The following PIK3C2B variants were observed in gnomAD, a reference collection of about 807,000 sequenced individuals.
The protein encoded by PIK3C2B is phosphatidylinositol 4-phosphate 3-kinase C2 domain-containing subunit beta.
In PIK3C2B, 83 loss-of-function variants were observed where a neutral mutation model predicts 184.3. The observed-to-expected ratio is 0.45, with a 90% CI of 0.38 to 0.54. The LOEUF (loss-of-function observed/expected upper bound fraction) is 0.54, where lower values mean the gene tolerates loss of function less well. PIK3C2B is among the 20% of genes least tolerant of loss of function. The pLI is 0.00. For missense variants in PIK3C2B, 1,736 were observed against 2,113.5 expected (o/e 0.82, Z 3.50); for synonymous variants, 779 against 837.6 (o/e 0.93, Z 1.21).
intron 23 of PIK3C2B, among the ~76,000 whole-genome samples, chr1:204,436,518 G>C (rs1420771358): frequency 6.6e-6 from 1 of 151,888 alleles, no homozygotes; most frequent in East Asian, 1.9e-4. Context: ...GTGAGACCCT[G>C]CCTCAAAAAA....
At chr1:204,465,357 T>C (rs1253002782) in intron 2 of PIK3C2B, 38 bp from the exon 3 acceptor site, 1 of 1,324,628 alleles carries the variant, frequency 7.5e-7, no homozygotes, top group Non-Finnish European at 1.1e-6. Flanking sequence ...GCCTTTTTCC[T>C]CGTGGTGTCC....
chr1:204,493,256 G>C (rs1415266940), intron 1 of PIK3C2B, among the ~76,000 whole-genome samples: 1 of 152,184 alleles, frequency 6.6e-6, no homozygotes, highest in African/African-American at 2.4e-5. Flanking sequence ...GTAGTTTAGA[G>C]CAAGGAGGAG....
chr1:204,451,209 T>C (rs1654321030), intron 12 of PIK3C2B, among the ~76,000 whole-genome samples: 1 of 152,232 alleles, frequency 6.6e-6, no homozygotes, highest in Non-Finnish European at 1.5e-5. Context: ...GAGAGTTAGC[T>C]GATCCCTGGA....
At position 204,449,289 on chromosome 1, in the gene PIK3C2B, T is replaced by G. The variant is rs1232875370; in HGVS notation, c.2242A>C (p.Thr748Pro). The G allele has an allele frequency of 6.2e-7, 1 of 1,609,570 alleles. No homozygotes were observed. Among genetic ancestry groups the G allele is most frequent in the Non-Finnish European group, 8.5e-7 (1 of 1,177,918 alleles). Residue 748 changes from threonine to proline, a missense_variant, in exon 14 of 33, where the codon ACC (threonine) becomes CCC (proline). Transcript: ENST00000684373. ...AAACCCAGAAGCTTCCGGCCACAGG[T>G]CAGGACCCTAAGAAGGAGGGAGAGT... ...TPLFNFRQVL[T>P]CGRKLLGLWP...
Position 204,447,694 on chromosome 1 carries a change from T to C in PIK3C2B, c.2347-116A>G, listed in dbSNP as rs758441490. On this transcript the variant is annotated intron_variant, in intron 14 of 32. Transcript: ENST00000684373. The surrounding 1 kb of genome is among the most constrained non-coding windows in gnomAD (Gnocchi z 4.1). ...GTCCCTCCCTCACTTTCCCTCAGGTTCTTTGTAAAATAGCCCTGTTAGACT... is the reference window on the plus strand; with the variant it reads ...GTCCCTCCCTCACTTTCCCTCAGGTCCTTTGTAAAATAGCCCTGTTAGACT... The C allele has an allele frequency of 3.9e-5, 28 of 711,200 alleles. No homozygotes were observed. The Admixed American group carries it at 4.9e-4, about 12-fold the overall frequency. The allele number at this position is 711,200 out of a possible 1,614,324, so 44.1% of individuals were successfully genotyped here.
chr1:204,441,198 C>A (rs1183122195), intron 21 of PIK3C2B, among the ~76,000 whole-genome samples: 2 of 152,226 alleles, frequency 1.3e-5, no homozygotes, highest in African/African-American at 4.8e-5. Flanking sequence ...GGATCACCAC[C>A]TTACCCAACC....
In PIK3C2B at chr1:204,462,851, C is replaced by T. The variant is rs151115192; in HGVS notation, c.1310+1161G>A. On this transcript the variant is annotated intron_variant, in intron 5 of 32. Transcript: ENST00000684373. ...GGCAGATCACCCGAGGTCAGGAGTT[C>T]GAGACCAGCCTGGCCAACATGGTGA... 9.4e-3 allele frequency among the ~76,000 whole-genome samples: 1,427 copies of T among 152,204 alleles called. 15 individuals carry two copies. The highest frequency in any genetic ancestry group is 0.012 in the Non-Finnish European group (836 of 68,022).
In PIK3C2B at chr1:204,469,810, A is replaced by G. The variant is rs373937620; in HGVS notation, c.-8T>C. 23 of 1,601,974 alleles carry G rather than the reference A, an allele frequency of 1.4e-5. No individual in the cohort carries two copies. Among genetic ancestry groups the G allele is most frequent in the Non-Finnish European group, 1.9e-5 (22 of 1,169,332 alleles). ...GCCCTGAGTCGAAGACATGGTGAGG[A>G]TGGGGGACACAGGCAACAAAGTCTC... On this transcript the variant is annotated 5_prime_UTR_variant, in exon 2 of 33. Coordinates refer to ENST00000684373, the MANE Select transcript of PIK3C2B (RefSeq NM_001377334.1).
At chr1:204,460,902 C>T (rs940263889) in intron 5 of PIK3C2B, among the ~76,000 whole-genome samples, 16 of 152,150 alleles carry the variant, frequency 1.1e-4, no homozygotes, top group African/African-American at 3.9e-4. Context: ...AATATTGACT[C>T]TCTTAGATAT....
At chr1:204,468,261 G>A (rs1403449861) in intron 2 of PIK3C2B, among the ~76,000 whole-genome samples, 1 of 152,230 alleles carries the variant, frequency 6.6e-6, no homozygotes, top group African/African-American at 2.4e-5. Context: ...AGCAGGGAGA[G>A]AGAGAGAGAG....
intron 1 of PIK3C2B, among the ~76,000 whole-genome samples, chr1:204,474,061 G>A (rs1400334803): frequency 1.5e-5 from 2 of 136,028 alleles, no homozygotes; most frequent in African/African-American, 2.7e-5. Context: ...GCGCGATCTC[G>A]GCTCACCGCA....
rs1655254844 is a variant in PIK3C2B, at chr1:204,460,641, T to A, written c.1331A>T (p.His444Leu). Residue 444 changes from histidine to leucine, a missense_variant, in exon 6 of 33, where the codon CAT becomes CTT. This residue lies in a region of PIK3C2B where 609 missense variants were observed against 699.2 expected (regional missense o/e 0.87). Coordinates refer to ENST00000684373, the MANE Select transcript of PIK3C2B (RefSeq NM_001377334.1). ...FLQNKHALGS[H>L]EYIQYCRKFD... ...CTTGCGGCAGTATTGGATGTACTCA[T>A]GACTGCCCAAGGCATGCTTGCTGGT... 8.1e-6 allele frequency: 13 copies of A among 1,612,444 alleles called. No homozygotes were observed. The highest frequency in any genetic ancestry group is 1.3e-5 in the African/African-American group (1 of 74,894).
Position 204,433,945 on chromosome 1 carries a change from G to A in PIK3C2B, c.3691C>T (p.Arg1231Cys), listed in dbSNP as rs1378645821. Reference protein sequence around the residue: ...AQMFGNIKRDRAPFVFTSDMA... With the variant: ...AQMFGNIKRDCAPFVFTSDMA... Reference sequence around the variant, plus strand: ...TCCGAGGTGAAGACAAAGGGGGCACGGTCCCTGAGCCAAGGGGAACATACA... The same window carrying A: ...TCCGAGGTGAAGACAAAGGGGGCACAGTCCCTGAGCCAAGGGGAACATACA... Residue 1231 changes from arginine to cysteine, a missense_variant, in exon 25 of 33, where the codon CGT (arginine) becomes TGT (cysteine). Coordinates refer to ENST00000684373, the MANE Select transcript of PIK3C2B (RefSeq NM_001377334.1). The surrounding 1 kb of genome is among the most constrained non-coding windows in gnomAD (Gnocchi z 5.0). The A allele has an allele frequency of 1.9e-6, 3 of 1,613,584 alleles. No individual in the cohort carries two copies. The highest frequency in any genetic ancestry group is 2.5e-6 in the Non-Finnish European group (3 of 1,179,818).
chr1:204,494,304 G>A (rs1272280856), intron 1 of PIK3C2B, 52 bp downstream of exon 1: 4 of 152,396 alleles, frequency 2.6e-5, no homozygotes, highest in Admixed American at 6.5e-5. Context: ...TCCACTCTGG[G>A]GGCACTTTAC....
chr1:204,479,596 A>C (rs2103528426), intron 1 of PIK3C2B, among the ~76,000 whole-genome samples: 1 of 152,382 alleles, frequency 6.6e-6, no homozygotes, highest in East Asian at 1.9e-4. Context: ...AAGAGGACAC[A>C]GAAAATGGGT....
chr1:204,460,550 C>A lies in PIK3C2B; in HGVS notation c.1422G>T (p.Thr474=), dbSNP rs574803799. The change falls in exon 6 of 33, where the codon ACG becomes ACT. Residue 474 remains threonine, a splice_region_variant and synonymous_variant. Coordinates refer to ENST00000684373, the MANE Select transcript of PIK3C2B (RefSeq NM_001377334.1). Reference sequence around the variant, plus strand: ...AACCCTCCACCACCCTCACACGAACCGTCCGGGCCAGGTCACTGCGCACAA... The same window carrying A: ...AACCCTCCACCACCCTCACACGAACAGTCCGGGCCAGGTCACTGCGCACAA... ...QKVVRSDLAR[T]VNDDQSPSTL... 1.8e-5 allele frequency: 29 copies of A among 1,612,546 alleles called. No homozygotes were observed. Among genetic ancestry groups the A allele is most frequent in the Non-Finnish European group, 2.4e-5 (28 of 1,178,768 alleles).
intron 1 of PIK3C2B, among the ~76,000 whole-genome samples, chr1:204,491,620 C>A (rs1420210198): frequency 1.3e-5 from 2 of 152,144 alleles, no homozygotes; most frequent in Non-Finnish European, 2.9e-5. Flanking sequence ...TCACTTGAGC[C>A]CACTGCACTC....
At chr1:204,489,938 T>C (rs973604122) in intron 1 of PIK3C2B, 3 of 395,734 alleles carry the variant, frequency 7.6e-6, no homozygotes, top group Non-Finnish European at 8.9e-6. Flanking sequence ...CCATCTAGTA[T>C]GAGAGAAAGA....
chr1:204,493,548 C>CACACACAT (rs1398695954), intron 1 of PIK3C2B, among the ~76,000 whole-genome samples: 2 of 151,622 alleles, frequency 1.3e-5, no homozygotes, highest in East Asian at 3.9e-4. Context: ...CACACACACA[C>CACACACAT]ACACACTTCA....
Sources: allele counts gnomAD v4.1 joint callset (sites outside exome capture counted in the v4.1 genomes callset), GRCh38; gene constraint gnomAD v4.1.1; regional missense constraint gnomAD v4.1.1; non-coding constraint Gnocchi (gnomAD v3.1); transcripts MANE v1.5; gene names NCBI Gene and HGNC (gene_info 2026-07-23, HGNC 2026-07-21).